The following OPCML variants were observed in gnomAD, a reference collection of about 807,000 sequenced individuals.
OPCML encodes opioid-binding protein/cell adhesion molecule.
OPCML carries 13 observed loss-of-function variants against 37.8 expected under a neutral mutation model. That is an observed-to-expected ratio of 0.34 (90% CI 0.22 to 0.55). OPCML has a LOEUF of 0.55. Among genes scored for constraint, OPCML ranks in the 20% least tolerant of loss-of-function variants. The pLI is 0.91. For missense variants in OPCML, 341 were observed against 435.6 expected (o/e 0.78, Z 1.93); for synonymous variants, 176 against 168.8 (o/e 1.04, Z -0.33).
chr11:132,794,772 A>C (rs10791250), intron 2 of OPCML, among the ~76,000 whole-genome samples: 132,813 of 151,986 alleles, frequency 0.87, 58,672 homozygotes, highest in African/African-American at 0.92. Context: ...TAGAAACATA[A>C]TAAATGCCAT....
intron 1 of OPCML, among the ~76,000 whole-genome samples, chr11:133,389,331 T>A (rs1302053795): frequency 1.3e-5 from 2 of 152,198 alleles, no homozygotes; most frequent in Non-Finnish European, 2.9e-5. Context: ...GCTGACAAGT[T>A]TGCAGAGAAA....
intron 2 of OPCML, among the ~76,000 whole-genome samples, chr11:132,777,996 G>A (rs1946864983): frequency 6.6e-6 from 1 of 152,128 alleles, no homozygotes; most frequent in African/African-American, 2.4e-5. Flanking sequence ...TTCCAGGAGA[G>A]ACCTTAGCCA....
chr11:133,394,479 TACTGTCAAATA>T (rs1945245065), intron 1 of OPCML, among the ~76,000 whole-genome samples: 1 of 152,240 alleles, frequency 6.6e-6, no homozygotes, highest in Non-Finnish European at 1.5e-5. Context: ...CACCTTGTTG[TACTGTCAAATA>T]ATAGGTCTTA....
At chr11:132,459,205 C>T (rs1322444230) in intron 4 of OPCML, among the ~76,000 whole-genome samples, 5 of 152,100 alleles carry the variant, frequency 3.3e-5, no homozygotes, top group African/African-American at 1.2e-4. Context: ...ACCACTGACC[C>T]TCCTGGCCTC....
At chr11:132,686,713 G>C (rs1254956305) in intron 2 of OPCML, among the ~76,000 whole-genome samples, 2 of 152,146 alleles carry the variant, frequency 1.3e-5, no homozygotes, top group Admixed American at 1.3e-4. Flanking sequence ...ATTGACCCTA[G>C]GTTTCTAGGA....
intron 1 of OPCML, among the ~76,000 whole-genome samples, chr11:133,338,689 C>A (rs1393278749): frequency 6.6e-6 from 1 of 152,180 alleles, no homozygotes; most frequent in African/African-American, 2.4e-5. Flanking sequence ...CTCATTCTAG[C>A]CTGCCAAAGA....
intron 2 of OPCML, among the ~76,000 whole-genome samples, chr11:132,883,789 T>TA (rs1184782424): frequency 2.6e-5 from 4 of 152,146 alleles, no homozygotes; most frequent in Non-Finnish European, 5.9e-5. Context: ...TCTTCTACAC[T>TA]AAAAAATCAC....
chr11:133,190,567 A>G (rs924321482), intron 1 of OPCML, among the ~76,000 whole-genome samples: 2 of 152,316 alleles, frequency 1.3e-5, no homozygotes, highest in East Asian at 1.9e-4. Context: ...AATTACTACA[A>G]TCAATTTTAG....
At chr11:132,501,333 T>C (rs1269584830) in intron 4 of OPCML, among the ~76,000 whole-genome samples, 3 of 152,216 alleles carry the variant, frequency 2.0e-5, no homozygotes, top group Non-Finnish European at 4.4e-5. Flanking sequence ...AAAGGTTTCA[T>C]AACTAGAACA....
intron 1 of OPCML, among the ~76,000 whole-genome samples, chr11:133,077,887 C>G (rs371865536): frequency 6.6e-6 from 1 of 152,090 alleles, no homozygotes; most frequent in Non-Finnish European, 1.5e-5. Flanking sequence ...ATGTGGAATA[C>G]AAGCACTTCA....
chr11:133,131,868 T>C (rs1424164351), intron 1 of OPCML, among the ~76,000 whole-genome samples: 1 of 152,138 alleles, frequency 6.6e-6, no homozygotes, highest in Non-Finnish European at 1.5e-5. Context: ...GGAGAAAAAA[T>C]AGTCCTTTAA....
rs1321339569 is a variant in OPCML, at chr11:133,208,475, T to C, written c.62-265465A>G. 6.6e-6 allele frequency among the ~76,000 whole-genome samples: 1 copy of C among 152,204 alleles called. No individual in the cohort carries two copies. The highest frequency in any genetic ancestry group is 1.5e-5 in the Non-Finnish European group (1 of 68,032). On this transcript the variant is annotated intron_variant, in intron 1 of 7. Coordinates refer to ENST00000524381, the MANE Select transcript of OPCML (RefSeq NM_001012393.5). The surrounding 1 kb of genome is among the most constrained non-coding windows in gnomAD (Gnocchi z 8.9). ...TTAAATTTCTCTTGATCTCTCAATT[T>C]TTGCATGAATAGATTTGGATAATAA...
chr11:132,779,929 C>T (rs993997491), intron 2 of OPCML, among the ~76,000 whole-genome samples: 3 of 152,112 alleles, frequency 2.0e-5, no homozygotes, highest in Non-Finnish European at 4.4e-5. Context: ...GATGCTCTTT[C>T]CTTTCTTCTT....
intron 2 of OPCML, among the ~76,000 whole-genome samples, chr11:132,856,820 G>A (rs1942075296): frequency 6.6e-6 from 1 of 152,168 alleles, no homozygotes; most frequent in Admixed American, 6.5e-5. Flanking sequence ...AAATCCGGAA[G>A]CATGCCAACA....
At chr11:132,436,994 C>A in intron 5 of OPCML, 4 of 897,084 alleles carry the variant, frequency 4.5e-6, no homozygotes, top group Non-Finnish European at 5.3e-6. Context: ...GGCCTCCAAA[C>A]CCATTCTCAG....
intron 1 of OPCML, among the ~76,000 whole-genome samples, chr11:133,329,075 C>T (rs1943553654): frequency 6.6e-6 from 1 of 152,140 alleles, no homozygotes; most frequent in Non-Finnish European, 1.5e-5. Context: ...AGTGAACTCC[C>T]ATTCACAATT....
At chr11:133,304,903 A>C (rs1225833451) in intron 1 of OPCML, among the ~76,000 whole-genome samples, 2 of 152,172 alleles carry the variant, frequency 1.3e-5, no homozygotes, top group East Asian at 3.9e-4. Context: ...CATTCACAAC[A>C]ATTTGCTGTA....
chr11:133,239,918 G>A (rs1390772683), intron 1 of OPCML, among the ~76,000 whole-genome samples: 1 of 152,070 alleles, frequency 6.6e-6, no homozygotes, highest in Non-Finnish European at 1.5e-5. Context: ...TTTCAGATTG[G>A]ATAAGTTGAA....
chr11:133,512,187 C>T (rs1184733253), intron 1 of OPCML, among the ~76,000 whole-genome samples: 4 of 152,246 alleles, frequency 2.6e-5, no homozygotes, highest in African/African-American at 7.2e-5. Context: ...GACCAACCAG[C>T]AACAAATCAG....
Sources: allele counts gnomAD v4.1 joint callset (sites outside exome capture counted in the v4.1 genomes callset), GRCh38; gene constraint gnomAD v4.1.1; non-coding constraint Gnocchi (gnomAD v3.1); transcripts MANE v1.5; gene names NCBI Gene and HGNC (gene_info 2026-07-23, HGNC 2026-07-21).